GREB1: variants seen among roughly 807,000 people sequenced by gnomAD.
GREB1 encodes the protein protein GREB1.
A neutral mutation model predicts 200.7 loss-of-function variants in GREB1; 106 were observed. That is an observed-to-expected ratio of 0.53 (90% CI 0.45 to 0.62). The LOEUF (loss-of-function observed/expected upper bound fraction) is 0.62. Ranked by LOEUF, GREB1 falls within the 20% of genes least tolerant of loss-of-function variation. The pLI is 0.00. For missense variants in GREB1, 2,243 were observed against 2,556.8 expected (o/e 0.88, Z 2.65); for synonymous variants, 1,132 against 1,092.4 (o/e 1.04, Z -0.72).
intron 10 of GREB1, among the ~76,000 whole-genome samples, chr2:11,592,329 ATTT>A (rs113949768): frequency 1.2e-4 from 17 of 136,272 alleles, no homozygotes; most frequent in African/African-American, 4.5e-4. Context: ...GCAAAGTAAG[ATTT>A]TTTTTTTTTT....
At position 11,576,537 on chromosome 2, in the gene GREB1, T is replaced by C; in HGVS notation, c.637+2T>C. ...CTTTAATCTGTTGGAAAGGCTCAGG[T>C]GAGCAGGTTGGCTGTGGAGGAGGTA... On this transcript the variant is annotated splice_donor_variant, in intron 5 of 32. Coordinates refer to ENST00000381486, the MANE Select transcript of GREB1 (RefSeq NM_014668.4). LOFTEE classifies it high-confidence loss of function. 6.2e-7 allele frequency: 1 copy of C among 1,610,692 alleles called. No individual in the cohort carries two copies. The highest frequency in any genetic ancestry group is 1.7e-5 in the Admixed American group (1 of 59,572).
Position 11,483,329 on chromosome 2 carries a change from CGT to C in GREB1, c.-159+960_-159+961del, listed in dbSNP as rs111890351. Among the ~76,000 whole-genome samples, 9 of 124,882 alleles carry C rather than the reference CGT, an allele frequency of 7.2e-5. No individual in the cohort carries two copies. The South Asian group carries it at 9.7e-4, about 14-fold the overall frequency. The allele number at this position is 124,882 out of a possible 152,430, so 81.9% of individuals were successfully genotyped here. ...GTACGCGTGTATCGGTGTGCGCGCG[CGT>C]GTGTGTGTGTGAGAGAGAGAGAGCA... On this transcript the variant is annotated intron_variant, in intron 1 of 2. Transcript: ENST00000628795.
upstream of GREB1, among the ~76,000 whole-genome samples, chr2:11,531,556 T>TTTAA (rs550154907): frequency 2.2e-3 from 333 of 152,226 alleles, 2 homozygotes; most frequent in Middle Eastern, 0.014. Context: ...TTTTTAAACA[T>TTTAA]TTAATTAATT....
chr2:11,635,415 T>C lies in GREB1; in HGVS notation c.5346+10T>C, dbSNP rs1215172533. 6.3e-7 allele frequency: 1 copy of C among 1,598,722 alleles called. No homozygotes were observed. Among genetic ancestry groups the C allele is most frequent in the Non-Finnish European group, 8.5e-7 (1 of 1,172,344 alleles). On this transcript the variant is annotated intron_variant, in intron 30 of 32. Coordinates refer to ENST00000381486, the MANE Select transcript of GREB1 (RefSeq NM_014668.4). ...CCACATCACATCCAAGGTGAGCTCCTCGCTGCTGGGCAGGCCTCTATGTCC... is the reference window on the plus strand; with the variant it reads ...CCACATCACATCCAAGGTGAGCTCCCCGCTGCTGGGCAGGCCTCTATGTCC...
At chr2:11,544,532 AT>A (rs1269663663) in intron 1 of GREB1, among the ~76,000 whole-genome samples, 1 of 151,956 alleles carries the variant, frequency 6.6e-6, no homozygotes, top group African/African-American at 2.4e-5. Flanking sequence ...TTTAAGAGAA[AT>A]CCATTTTTCA....
intron 1 of GREB1, among the ~76,000 whole-genome samples, chr2:11,546,033 C>T (rs1675241151): frequency 1.3e-5 from 2 of 152,040 alleles, no homozygotes; most frequent in Admixed American, 6.6e-5. Flanking sequence ...CAAAATTAGC[C>T]GGGCATAGTG....
upstream of GREB1, among the ~76,000 whole-genome samples, chr2:11,532,286 TTCCTAGGAGC>T (rs1201025779): frequency 6.6e-6 from 1 of 152,166 alleles, no homozygotes; most frequent in Non-Finnish European, 1.5e-5. Context: ...GAAAGACAAC[TTCCTAGGAGC>T]TCTGGTCTTG....
At position 11,580,252 on chromosome 2, in the gene GREB1, C is replaced by T. The variant is rs543146428; in HGVS notation, c.773-452C>T. Among the ~76,000 whole-genome samples, 7 of 152,262 alleles carry T rather than the reference C, an allele frequency of 4.6e-5. No homozygotes were observed. The South Asian group carries it at 6.2e-4, about 14-fold the overall frequency. On this transcript the variant is annotated intron_variant, in intron 6 of 32. Transcript: ENST00000381486. The surrounding 1 kb of genome is among the most constrained non-coding windows in gnomAD (Gnocchi z 4.5). The stretch of plus-strand genomic sequence containing the variant: ...AATTTGGGCGGGGACACAGCCAAAC[C>T]GTATCAACCAGAGGTCTTGAGAGAG...
At chr2:11,594,671 A>T (rs2148196498) in intron 11 of GREB1, among the ~76,000 whole-genome samples, 2 of 138,192 alleles carry the variant, frequency 1.4e-5, no homozygotes, top group South Asian at 4.7e-4. Context: ...CTTTAATCTT[A>T]AACCCATTCT....
chr2:11,490,654 T>A (rs1252154556), intron 1 of GREB1, among the ~76,000 whole-genome samples: 1 of 152,222 alleles, frequency 6.6e-6, no homozygotes, highest in African/African-American at 2.4e-5. Context: ...GTTCAAGTGA[T>A]TCTCCTCTCT....
Position 11,548,762 on chromosome 2 carries a change from A to G in GREB1, c.-161-7692A>G, listed in dbSNP as rs1471173038. 2.0e-5 allele frequency among the ~76,000 whole-genome samples: 3 copies of G among 151,752 alleles called. No homozygotes were observed. Among genetic ancestry groups the G allele is most frequent in the African/African-American group, 4.8e-5 (2 of 41,256 alleles). On this transcript the variant is annotated intron_variant, in intron 1 of 32. Transcript: ENST00000381486. This position sits in a 1 kb window ranked among gnomAD's most constrained non-coding sequence, Gnocchi z 5.1. ...CCCATCCTGGCCCCCTGGCTTCACA[A>G]TTGTTAATTTACACCACTCCCCAGT... is the stretch of plus-strand genomic sequence containing the variant.
Position 11,618,754 on chromosome 2 carries a change from C to G in GREB1, c.3879C>G (p.Ser1293Arg). The G allele has an allele frequency of 6.2e-7, 1 of 1,613,336 alleles. No individual in the cohort carries two copies. The highest frequency in any genetic ancestry group is 8.5e-7 in the Non-Finnish European group (1 of 1,179,838). Residue 1293 changes from serine (S) to arginine (R), a missense_variant, in exon 22 of 33, where the codon AGC becomes AGG. This residue lies in a region of GREB1 where 587 missense variants were observed against 553.1 expected (regional missense o/e 1.06). Transcript: ENST00000381486. The stretch of plus-strand genomic sequence containing the variant: ...CCTCCCCCTCGGTCATGTGGGCCAG[C>G]TCTTTCCGCCCCCTGCTCAGCAAGA... The part of the protein sequence containing the change: ...LLPSPSVMWA[S>R]SFRPLLSKTM...
chr2:11,617,541 G>A (rs2148345496), intron 21 of GREB1, among the ~76,000 whole-genome samples: 1 of 152,346 alleles, frequency 6.6e-6, no homozygotes, highest in East Asian at 1.9e-4. Flanking sequence ...TTGTCCCAAG[G>A]CAGAGGGCAG....
Position 11,598,833 on chromosome 2 carries a change from A to G in GREB1, c.2306A>G (p.His769Arg), listed in dbSNP as rs1256112313. The part of the protein sequence containing the change: ...QNPHTLFVLI[H>R]DHAHWDLVSS... ...CCGCATACACTTTTTGTCCTAATCC[A>G]TGACCATGCGCACTGGGATCTTGTG... The change falls in exon 15 of 33, where the codon CAT becomes CGT. Residue 769 changes from histidine to arginine, a missense_variant. His to Arg is a conservative substitution (Grantham distance 29, BLOSUM62 0). This residue lies in a region of GREB1 where 1,178 missense variants were observed against 1,387.4 expected (regional missense o/e 0.85). Transcript: ENST00000381486. The G allele has an allele frequency of 1.2e-6, 2 of 1,614,190 alleles. No individual in the cohort carries two copies. The highest frequency in any genetic ancestry group is 1.7e-5 in the Admixed American group (1 of 60,026).
chr2:11,610,673 C>T lies in GREB1; in HGVS notation c.2667-15C>T. On this transcript the variant is annotated splice_polypyrimidine_tract_variant and intron_variant, in intron 17 of 32. Coordinates refer to ENST00000381486, the MANE Select transcript of GREB1 (RefSeq NM_014668.4). ...CGCGGCCGTCACAGACATGGTCTCT[C>T]TGTGTTCCTTGCAGGTTCCCCCGCC... is the stretch of plus-strand genomic sequence containing the variant. 2 of 1,596,472 alleles carry T rather than the reference C, an allele frequency of 1.3e-6. No homozygotes were observed. The highest frequency in any genetic ancestry group is 1.7e-6 in the Non-Finnish European group (2 of 1,169,054).
intron 1 of GREB1, among the ~76,000 whole-genome samples, chr2:11,495,906 G>A (rs562818487): frequency 6.6e-6 from 1 of 151,804 alleles, no homozygotes; most frequent in Admixed American, 6.6e-5. Flanking sequence ...TGTGCGTGGC[G>A]CTCCTCTTCT....
intron 9 of GREB1, 127 bp from the exon 10 acceptor site, chr2:11,588,617 CAG>C: frequency 1.2e-6 from 1 of 851,238 alleles, no homozygotes. Flanking sequence ...CTTCCCAGGA[CAG>C]GGCACTCGAG....
rs537049604 is a variant in GREB1 at position 11,632,195 on chromosome 2, A to G, written c.4816+82A>G. On this transcript the variant is annotated intron_variant, in intron 27 of 32. Coordinates refer to ENST00000381486, the MANE Select transcript of GREB1 (RefSeq NM_014668.4). Reference sequence around the variant, plus strand: ...AGAGTGTTCTAGAGACAAAAGTTAAACATGTGACATCAGGCCTTTTACTTT... The same window carrying G: ...AGAGTGTTCTAGAGACAAAAGTTAAGCATGTGACATCAGGCCTTTTACTTT... The G allele has an allele frequency of 5.1e-6, 5 of 977,764 alleles. No homozygotes were observed. In the East Asian group the frequency reaches 1.3e-4, roughly 25 times the overall value. The allele number at this position is 977,764 out of a possible 1,614,324, so 60.6% of individuals were successfully genotyped here. A position where few individuals can be genotyped will look rare whatever the true frequency, so the allele number is the denominator to read the frequency against.
chr2:11,552,100 C>T (rs776053940), intron 1 of GREB1, among the ~76,000 whole-genome samples: 18 of 152,200 alleles, frequency 1.2e-4, no homozygotes, highest in Admixed American at 2.0e-4. Context: ...AATCACTTTG[C>T]GTGGGGTTGC....
Sources: gnomAD v4.1 joint callset for allele counts (sites outside exome capture counted in the v4.1 genomes callset) on GRCh38, gnomAD v4.1.1 for gene constraint, gnomAD v4.1.1 regional missense constraint, Gnocchi (gnomAD v3.1) non-coding constraint, MANE v1.5 for transcripts, NCBI Gene and HGNC (gene_info 2026-07-23, HGNC 2026-07-21) for gene names.